Variants in CTNNA3 observed in about 807,000 individuals in gnomAD.
CTNNA3 encodes catenin alpha-3.
Under a neutral mutation model 95.7 loss-of-function variants are expected in CTNNA3, and 76 were observed. That is an observed-to-expected ratio of 0.79 (90% CI 0.66 to 0.96). CTNNA3 has a LOEUF of 0.96. Among genes scored for constraint, CTNNA3 ranks in the 40% least tolerant of loss-of-function variants. CTNNA3 has a pLI of 0.00. For synonymous variants in CTNNA3, 431 were observed against 374.4 expected, an observed-to-expected ratio of 1.15 and a Z score of -1.74; for missense variants, 1,191 against 1,089.8, an observed-to-expected ratio of 1.09 and a Z score of -1.31.
At chr10:66,270,543 T>C (rs2132128804) in intron 13 of CTNNA3, among the ~76,000 whole-genome samples, 1 of 152,294 alleles carries the variant, frequency 6.6e-6, no homozygotes, top group South Asian at 2.1e-4. Context: ...CCTTATTTCA[T>C]ATAGCCTACA....
intron 2 of CTNNA3, among the ~76,000 whole-genome samples, chr10:67,640,179 C>CA (rs771546869): frequency 2.7e-5 from 4 of 149,154 alleles, no homozygotes; most frequent in Non-Finnish European, 5.9e-5. Flanking sequence ...AATCAATGTG[C>CA]AAAAATCACA....
At chr10:67,759,067 TG>T (rs1463922323) in intron 1 of CTNNA3, among the ~76,000 whole-genome samples, 3 of 152,212 alleles carry the variant, frequency 2.0e-5, no homozygotes, top group Non-Finnish European at 4.4e-5. Context: ...CAAACATTTA[TG>T]TATAAGTACC....
intron 11 of CTNNA3, among the ~76,000 whole-genome samples, chr10:66,498,033 T>TAA (rs1285987948): frequency 3.3e-5 from 5 of 152,120 alleles, no homozygotes; most frequent in Non-Finnish European, 7.4e-5. Context: ...TTTCCTGTAA[T>TAA]AAAATGTCAC....
intron 6 of CTNNA3, among the ~76,000 whole-genome samples, chr10:67,189,057 T>C (rs1441907656): frequency 1.3e-5 from 2 of 151,630 alleles, no homozygotes; most frequent in African/African-American, 4.9e-5. Context: ...GTCGAGGTTG[T>C]GGTGAGCTGT....
At chr10:66,103,285 G>T in intron 13 of CTNNA3, 36 bp from the exon 14 acceptor site, 1 of 1,525,052 alleles carries the variant, frequency 6.6e-7, no homozygotes, top group Non-Finnish European at 9.1e-7. Context: ...TAGTGGGAAT[G>T]TAAAAGCATT....
chr10:66,977,293 G>A (rs1209551528), intron 7 of CTNNA3, among the ~76,000 whole-genome samples: 1 of 152,056 alleles, frequency 6.6e-6, no homozygotes, highest in Non-Finnish European at 1.5e-5. Context: ...AAAATTAGCT[G>A]GGTGTGGTGG....
At chr10:66,304,705 C>T (rs1333818514) in intron 12 of CTNNA3, among the ~76,000 whole-genome samples, 1 of 152,102 alleles carries the variant, frequency 6.6e-6, no homozygotes, top group Non-Finnish European at 1.5e-5. Flanking sequence ...ACACCACTCA[C>T]ATATAAACCA....
intron 7 of CTNNA3, chr10:67,099,977 G>T (rs951086131): frequency 1.3e-5 from 2 of 151,794 alleles, no homozygotes; most frequent in South Asian, 2.1e-4. Flanking sequence ...AAACCAAAAT[G>T]TCATTTGCAA....
rs74143948 is a variant in CTNNA3 at position 66,449,165 on chromosome 10, G to A, written c.1532-69813C>T. ...CTTAAAAAAATGAGGAAAAAATGCC[G>A]AGCAAAATGAGAGATGAGGGACATA... On this transcript the variant is annotated intron_variant, in intron 11 of 17. Coordinates refer to ENST00000433211, the MANE Select transcript of CTNNA3 (RefSeq NM_013266.4). Among the ~76,000 whole-genome samples, 199 of 152,128 alleles carry A rather than the reference G, an allele frequency of 1.3e-3. 1 individual carries two copies. Among genetic ancestry groups the A allele is most frequent in the African/African-American group, 4.5e-3 (188 of 41,526 alleles).
At chr10:67,391,539 A>G (rs1350789853) in intron 5 of CTNNA3, among the ~76,000 whole-genome samples, 4 of 151,900 alleles carry the variant, frequency 2.6e-5, no homozygotes, top group Middle Eastern at 3.5e-3. Context: ...TTCTTCACAG[A>G]ATTGGAAAAA....
At chr10:67,317,623 C>T (rs1052325463) in intron 5 of CTNNA3, among the ~76,000 whole-genome samples, 1 of 152,118 alleles carries the variant, frequency 6.6e-6, no homozygotes, top group Non-Finnish European at 1.5e-5. Context: ...GACAGGGTTT[C>T]ACCATGTTAG....
chr10:66,924,950 C>T (rs959342296), intron 7 of CTNNA3, among the ~76,000 whole-genome samples: 4 of 152,146 alleles, frequency 2.6e-5, no homozygotes, highest in South Asian at 2.1e-4. Context: ...CACTAAACTA[C>T]GCTGCCTTAG....
intron 13 of CTNNA3, among the ~76,000 whole-genome samples, chr10:66,179,088 C>T (rs1360158426): frequency 6.6e-6 from 1 of 151,936 alleles, no homozygotes; most frequent in Non-Finnish European, 1.5e-5. Flanking sequence ...ATGTTCACCA[C>T]AAAAACCTGT....
rs186202455 is a variant in CTNNA3, at chr10:67,573,420, C to A, written c.292+33437G>T. On this transcript the variant is annotated intron_variant, in intron 3 of 17. Coordinates refer to ENST00000433211, the MANE Select transcript of CTNNA3 (RefSeq NM_013266.4). ...GAGGTACATGGAAGAGACAACATTC[C>A]ATAGCTTATGTTTTCTTTTTTCACC... 1.4e-4 allele frequency among the ~76,000 whole-genome samples: 22 copies of A among 152,202 alleles called. 1 individual carries two copies. In the East Asian group the frequency reaches 2.7e-3, roughly 19 times the overall value.
intron 12 of CTNNA3, among the ~76,000 whole-genome samples, chr10:66,331,964 G>A (rs535567757): frequency 1.8e-4 from 28 of 151,658 alleles, no homozygotes; most frequent in South Asian, 4.2e-4. Context: ...TGTTTGTATC[G>A]TCTTTTATTT....
At chr10:66,910,944 G>C (rs1846196412) in intron 7 of CTNNA3, among the ~76,000 whole-genome samples, 1 of 152,192 alleles carries the variant, frequency 6.6e-6, no homozygotes, top group African/African-American at 2.4e-5. Flanking sequence ...TGGGAAAGTA[G>C]TAAGACCATT....
At position 66,360,719 on chromosome 10, in the gene CTNNA3, TCTTC is replaced by T. The variant is rs1564896656; in HGVS notation, c.1732+18429_1732+18432del. The stretch of plus-strand genomic sequence containing the variant: ...TTCTTTCTTTCTTTCCTCCTTCCTT[TCTTC>T]CTTTCTTTCTTTCTTTCTTTCTTCC... On this transcript the variant is annotated intron_variant, in intron 12 of 17. Coordinates refer to ENST00000433211, the MANE Select transcript of CTNNA3 (RefSeq NM_013266.4). Among the ~76,000 whole-genome samples the T allele has an allele frequency of 1.4e-4, 7 of 50,660 alleles. 1 individual carries two copies. The highest frequency in any genetic ancestry group is 1.7e-4 in the African/African-American group (3 of 17,758). The allele number at this position is 50,660 out of a possible 152,430, so 33.2% of individuals were successfully genotyped here.
At chr10:67,128,975 A>G (rs1428451522) in intron 7 of CTNNA3, among the ~76,000 whole-genome samples, 2 of 152,194 alleles carry the variant, frequency 1.3e-5, no homozygotes, top group African/African-American at 4.8e-5. Flanking sequence ...TTAAAAATGT[A>G]CATTAATTTA....
At chr10:66,867,759 T>C (rs527996670) in intron 7 of CTNNA3, among the ~76,000 whole-genome samples, 1 of 152,066 alleles carries the variant, frequency 6.6e-6, no homozygotes, top group Admixed American at 6.6e-5. Context: ...ATGAGTCTAC[T>C]ATATCTCTTA....
Sources: allele counts gnomAD v4.1 joint callset (sites outside exome capture counted in the v4.1 genomes callset), GRCh38; gene constraint gnomAD v4.1.1; transcripts MANE v1.5; gene names NCBI Gene and HGNC (gene_info 2026-07-23, HGNC 2026-07-21).